Variants in CLDN14 observed in about 807,000 individuals in gnomAD.
The protein encoded by CLDN14 is claudin 14.
A neutral mutation model predicts 2.1 loss-of-function variants in CLDN14; 2 were observed. The ratio of observed to expected loss-of-function variants is 0.96; its 90% confidence interval spans 0.39 to 3.01. The LOEUF (loss-of-function observed/expected upper bound fraction) is 3.01. Ranked by LOEUF, CLDN14 falls within the 30% of genes most tolerant of loss-of-function variation. The probability of loss-of-function intolerance (pLI) is 0.09; values close to 1 mark genes in which losing one functional copy is unlikely to be tolerated. For missense variants in CLDN14, 298 were observed against 328.0 expected (o/e 0.91, Z 0.71); for synonymous variants, 136 against 154.4 (o/e 0.88, Z 0.88).
Position 36,523,777 on chromosome 21 carries a change from A to AAGAAAGAGAGAGAG in CLDN14, c.-219-13278_-219-13277insCTCTCTCTCTTTCT, listed in dbSNP as rs1395016125. Among the ~76,000 whole-genome samples the AAGAAAGAGAGAGAG allele has an allele frequency of 9.7e-3, 670 of 68,910 alleles. 96 individuals carry two copies. The highest frequency in any genetic ancestry group is 0.04 in the African/African-American group (615 of 15,490). The allele number at this position is 68,910 out of a possible 152,430, so 45.2% of individuals were successfully genotyped here. A position where few individuals can be genotyped will look rare whatever the true frequency, so the allele number is the denominator to read the frequency against. Reference sequence around the variant, plus strand: ...AAAAAAAAAAAGAAAGAAAGAGAGAAAGAGAGAAAGAAAGAAAGAAAGAAA... The same window carrying AAGAAAGAGAGAGAG: ...AAAAAAAAAAAGAAAGAAAGAGAGAAAGAAAGAGAGAGAGAGAGAGAAAGAAAGAAAGAAAGAAA... On this transcript the variant is annotated intron_variant, in intron 1 of 2. Coordinates refer to the CLDN14 transcript ENST00000342108.
At chr21:36,484,523 G>T (rs111732028), upstream of CLDN14, among the ~76,000 whole-genome samples, 2 of 152,162 alleles carry the variant, frequency 1.3e-5, no homozygotes, top group African/African-American at 4.8e-5. Flanking sequence ...AGACTGGGTA[G>T]ATGCCTTCCT....
intron 1 of CLDN14, among the ~76,000 whole-genome samples, chr21:36,573,462 T>TG (rs2087723241): frequency 6.6e-6 from 1 of 152,134 alleles, no homozygotes; most frequent in Non-Finnish European, 1.5e-5. Context: ...CTTAACCAGG[T>TG]GGTTGTGAAA....
chr21:36,536,600 T>G (rs541854858), intron 1 of CLDN14, among the ~76,000 whole-genome samples: 1 of 152,226 alleles, frequency 6.6e-6, no homozygotes, highest in Non-Finnish European at 1.5e-5. Context: ...TTTAAACTAT[T>G]TTTTCATTGA....
chr21:36,510,317 A>G (rs1431934184), intron 2 of CLDN14: 1 of 152,242 alleles, frequency 6.6e-6, no homozygotes, highest in Non-Finnish European at 1.5e-5. Context: ...ATTTTAAGTA[A>G]TTGATCCCTT....
intron 2 of CLDN14, among the ~76,000 whole-genome samples, chr21:36,495,262 G>A (rs1004524195): frequency 6.6e-6 from 1 of 152,196 alleles, no homozygotes; most frequent in African/African-American, 2.4e-5. Flanking sequence ...CCGGGAGGCG[G>A]AGGTTGCTGT....
At chr21:36,489,131 A>AAATATATATATATATATATATAT in intron 2 of CLDN14, among the ~76,000 whole-genome samples, 2 of 62,748 alleles carry the variant, frequency 3.2e-5, no homozygotes, top group African/African-American at 1.2e-4. Context: ...AAAAAAAAAA[A>AAATATATATATATATATATATAT]ATATATATAT....
intron 1 of CLDN14, among the ~76,000 whole-genome samples, chr21:36,558,002 G>A (rs1192614886): frequency 6.6e-6 from 1 of 152,122 alleles, no homozygotes; most frequent in African/African-American, 2.4e-5. Flanking sequence ...TTGTGGATAT[G>A]TAGTTTTCCC....
chr21:36,533,429 G>A (rs537021577), intron 1 of CLDN14, among the ~76,000 whole-genome samples: 14 of 152,282 alleles, frequency 9.2e-5, no homozygotes, highest in South Asian at 6.2e-4. Flanking sequence ...AGATGCTTCC[G>A]GCTTACAATT....
rs568387542 is a variant in CLDN14 at position 36,519,822 on chromosome 21, G to A, written c.-219-9322C>T. Among the ~76,000 whole-genome samples the A allele has an allele frequency of 1.1e-4, 16 of 152,244 alleles. No homozygotes were observed. The South Asian group carries it at 1.5e-3, about 14-fold the overall frequency. The stretch of plus-strand genomic sequence containing the variant: ...CAGGGGACATGCCACTGATGAGAGC[G>A]TCTTCTCTGTTCCTTCCAAACACTC... On this transcript the variant is annotated intron_variant, in intron 1 of 2. Coordinates refer to the CLDN14 transcript ENST00000342108.
At chr21:36,464,790 C>A (rs1487599072) in intron 1 of CLDN14, among the ~76,000 whole-genome samples, 4 of 152,240 alleles carry the variant, frequency 2.6e-5, no homozygotes, top group Non-Finnish European at 5.9e-5. Flanking sequence ...CCCCTTTTTA[C>A]ACATGGGGAA....
chr21:36,552,743 C>G (rs2087571491), intron 1 of CLDN14, among the ~76,000 whole-genome samples: 2 of 151,872 alleles, frequency 1.3e-5, no homozygotes, highest in Non-Finnish European at 2.9e-5. Context: ...AAAAAACTCT[C>G]TATTTTCTAG....
chr21:36,532,158 G>GAGCACT (rs1371310038), intron 1 of CLDN14: 1 of 152,182 alleles, frequency 6.6e-6, no homozygotes, highest in Non-Finnish European at 1.5e-5. Context: ...ATGCTAGCAG[G>GAGCACT]AGCACTAGGC....
At chr21:36,468,170 T>C (rs536181295) in intron 1 of CLDN14, among the ~76,000 whole-genome samples, 4 of 152,224 alleles carry the variant, frequency 2.6e-5, no homozygotes, top group African/African-American at 7.2e-5. Flanking sequence ...AACATAGTCA[T>C]TGGCCCTTCA....
At chr21:36,543,397 A>T (rs2087505804) in intron 1 of CLDN14, among the ~76,000 whole-genome samples, 1 of 152,208 alleles carries the variant, frequency 6.6e-6, no homozygotes, top group Non-Finnish European at 1.5e-5. Context: ...TAGTTCCCGT[A>T]TGAAGATAAG....
chr21:36,562,805 G>T (rs1437516111), intron 1 of CLDN14, among the ~76,000 whole-genome samples: 1 of 151,918 alleles, frequency 6.6e-6, no homozygotes, highest in Non-Finnish European at 1.5e-5. Flanking sequence ...ACAGTCAAGC[G>T]GTGTAGTTTT....
At chr21:36,527,635 CT>C (rs981047907) in intron 1 of CLDN14, among the ~76,000 whole-genome samples, 1 of 152,170 alleles carries the variant, frequency 6.6e-6, no homozygotes, top group African/African-American at 2.4e-5. Context: ...TGGCCATATC[CT>C]TGTTGTACCT....
chr21:36,539,098 G>T (rs969840869), intron 1 of CLDN14, among the ~76,000 whole-genome samples: 1 of 152,188 alleles, frequency 6.6e-6, no homozygotes, highest in Non-Finnish European at 1.5e-5. Flanking sequence ...TGTAACCCCC[G>T]CCAATTTAAG....
At chr21:36,525,211 T>C (rs1371608626) in intron 1 of CLDN14, among the ~76,000 whole-genome samples, 1 of 152,010 alleles carries the variant, frequency 6.6e-6, no homozygotes, top group African/African-American at 2.4e-5. Context: ...ACATCAAGAA[T>C]GCGTGGTCTC....
chr21:36,568,843 C>T (rs771182315), intron 1 of CLDN14, among the ~76,000 whole-genome samples: 13 of 152,248 alleles, frequency 8.5e-5, no homozygotes, highest in Non-Finnish European at 1.9e-4. Context: ...TATGATGCCA[C>T]TGAACAGGCC....
Sources: gnomAD v4.1 joint callset for allele counts (sites outside exome capture counted in the v4.1 genomes callset) on GRCh38, gnomAD v4.1.1 for gene constraint, MANE v1.5 for transcripts, NCBI Gene and HGNC (gene_info 2026-07-23, HGNC 2026-07-21) for gene names.